Variants in GOLM2 observed in about 807,000 individuals in gnomAD.
The protein encoded by GOLM2 is golgi membrane protein 2, also known as protein GOLM2.
GOLM2 carries 26 observed loss-of-function variants against 55.9 expected under a neutral mutation model. The ratio of observed to expected loss-of-function variants is 0.47; its 90% CI spans 0.34 to 0.65. The LOEUF (loss-of-function observed/expected upper bound fraction) is 0.65. Among genes scored for constraint, GOLM2 ranks in the 30% least tolerant of loss-of-function variants. The pLI is 0.01. For missense variants in GOLM2, 486 were observed against 531.8 expected, an observed-to-expected ratio of 0.91 and a Z score of 0.85; for synonymous variants, 165 against 194.6, an observed-to-expected ratio of 0.85 and a Z score of 1.27.
intron 8 of GOLM2, among the ~76,000 whole-genome samples, chr15:44,383,140 A>G (rs2079416189): frequency 6.6e-6 from 1 of 151,244 alleles, no homozygotes. Flanking sequence ...TACAGAATAT[A>G]TGTATACATA....
chr15:44,289,296 C>T lies in GOLM2; in HGVS notation c.267C>T (p.Gly89=). The T allele has an allele frequency of 6.2e-7, 1 of 1,613,578 alleles. No homozygotes were observed. ...TCGACCAGAAGGAGGCCGACTACGG[C>T]CGCCTCAGCAGCCGGCTGCAGGCCA... The part of the protein sequence containing the change: ...KQIDQKEADY[G]RLSSRLQARE... The change falls in exon 1 of 10, where the codon GGC becomes GGT. Residue 89 remains glycine (G), a synonymous_variant. Coordinates refer to ENST00000299957, the MANE Select transcript of GOLM2 (RefSeq NM_138423.4). The surrounding 1 kb of genome is among the most constrained non-coding windows in gnomAD (Gnocchi z 4.8).
At chr15:44,378,633 G>A (rs1488926072) in intron 6 of GOLM2, among the ~76,000 whole-genome samples, 1 of 151,858 alleles carries the variant, frequency 6.6e-6, no homozygotes, top group Admixed American at 6.6e-5. Flanking sequence ...AAGAAAATTT[G>A]AGCAACTAAA....
chr15:44,299,562 A>G (rs1249413743), intron 1 of GOLM2, among the ~76,000 whole-genome samples: 1 of 152,002 alleles, frequency 6.6e-6, no homozygotes, highest in African/African-American at 2.4e-5. Flanking sequence ...CAAATTGACT[A>G]GATAACTACT....
chr15:44,318,764 TA>T (rs1248910336), intron 1 of GOLM2, among the ~76,000 whole-genome samples: 1 of 152,018 alleles, frequency 6.6e-6, no homozygotes, highest in East Asian at 1.9e-4. Context: ...AAAAGAACTT[TA>T]AAGATTGACC....
At chr15:44,375,958 C>T (rs762475637) in intron 6 of GOLM2, among the ~76,000 whole-genome samples, 3 of 151,844 alleles carry the variant, frequency 2.0e-5, no homozygotes, top group Admixed American at 1.3e-4. Context: ...TATGTTGGGC[C>T]GGATGTGGTG....
chr15:44,328,131 T>C (rs1056737686), intron 2 of GOLM2, among the ~76,000 whole-genome samples: 12 of 152,202 alleles, frequency 7.9e-5, no homozygotes, highest in Non-Finnish European at 1.5e-4. Flanking sequence ...CAATGTGTAA[T>C]TTAAAGAATA....
chr15:44,362,456 A>T (rs1323698835), intron 6 of GOLM2, among the ~76,000 whole-genome samples: 1 of 150,686 alleles, frequency 6.6e-6, no homozygotes, highest in East Asian at 1.9e-4. Flanking sequence ...CTTCAAAGAG[A>T]ATAAAATACC....
rs1190426101 is a variant in GOLM2 at position 44,288,803 on chromosome 15, G to A, written c.-227G>A. ...TTCCCTTGGGCAGGTGCAGGGTCGG[G>A]TTCAAAGCCTCCGGAACGCGTTTTG... On this transcript the variant is annotated 5_prime_UTR_variant, in exon 1 of 10. Coordinates refer to ENST00000299957, the MANE Select transcript of GOLM2 (RefSeq NM_138423.4). The A allele has an allele frequency of 2.3e-5, 13 of 567,448 alleles. No homozygotes were observed. The highest frequency in any genetic ancestry group is 4.0e-5 in the Non-Finnish European group (13 of 322,576). The allele number at this position is 567,448 out of a possible 1,614,324, so 35.2% of individuals were successfully genotyped here.
chr15:44,369,238 G>C (rs898893482), intron 6 of GOLM2, among the ~76,000 whole-genome samples: 1 of 141,136 alleles, frequency 7.1e-6, no homozygotes, highest in South Asian at 2.2e-4. Context: ...GTGTGTGTTT[G>C]TATGTGTGTA....
At chr15:44,299,248 A>G (rs1259771225) in intron 1 of GOLM2, among the ~76,000 whole-genome samples, 1 of 152,108 alleles carries the variant, frequency 6.6e-6, no homozygotes, top group Non-Finnish European at 1.5e-5. Context: ...ACAAATACAC[A>G]AATGCATACT....
intron 1 of GOLM2, among the ~76,000 whole-genome samples, chr15:44,298,607 T>A (rs1354895933): frequency 6.6e-6 from 1 of 152,108 alleles, no homozygotes; most frequent in Admixed American, 6.6e-5. Context: ...CCATTTACAT[T>A]TATTGTTTGA....
chr15:44,333,154 G>A (rs142393899), intron 4 of GOLM2, among the ~76,000 whole-genome samples: 1,932 of 152,210 alleles, frequency 0.013, 22 homozygotes, highest in Non-Finnish European at 0.021. Flanking sequence ...GGATGGTCTC[G>A]ATCTCTTGAC....
intron 1 of GOLM2, among the ~76,000 whole-genome samples, chr15:44,310,438 T>TTCTCTCTCTCTCTCTCTC (rs778563022): frequency 1.1e-3 from 147 of 136,420 alleles, no homozygotes; most frequent in East Asian, 5.2e-3. Context: ...GAGTCTCTCT[T>TTCTCTCTCTCTCTCTCTC]TCTCTCTCTC....
intron 6 of GOLM2, among the ~76,000 whole-genome samples, chr15:44,368,303 A>ATTTTTTTTTTTT (rs1245673474): frequency 8.6e-6 from 1 of 115,692 alleles, no homozygotes; most frequent in Non-Finnish European, 1.8e-5. Context: ...ACGCCCAGCT[A>ATTTTTTTTTTTT]TTTTTTTTTT....
At chr15:44,381,557 G>C in intron 8 of GOLM2, among the ~76,000 whole-genome samples, 1 of 152,090 alleles carries the variant, frequency 6.6e-6, no homozygotes, top group Admixed American at 6.6e-5. Flanking sequence ...GCTTTTCATG[G>C]CATCTTCTTA....
intron 8 of GOLM2, among the ~76,000 whole-genome samples, chr15:44,382,717 G>T (rs1040515435): frequency 6.6e-6 from 1 of 151,918 alleles, no homozygotes; most frequent in Non-Finnish European, 1.5e-5. Flanking sequence ...TTTGGGTAAA[G>T]AAGGTGGTTG....
At chr15:44,337,246 A>G (rs1031111963) in intron 4 of GOLM2, among the ~76,000 whole-genome samples, 1 of 151,390 alleles carries the variant, frequency 6.6e-6, no homozygotes, top group Non-Finnish European at 1.5e-5. Flanking sequence ...GGAAGCACTG[A>G]CCTGTTTATT....
At chr15:44,314,610 C>G (rs2078896556) in intron 1 of GOLM2, among the ~76,000 whole-genome samples, 1 of 150,548 alleles carries the variant, frequency 6.6e-6, no homozygotes, top group Non-Finnish European at 1.5e-5. Flanking sequence ...TATACTAAAA[C>G]TTGGTTTAAG....
intron 6 of GOLM2, among the ~76,000 whole-genome samples, chr15:44,361,506 A>T (rs1444443402): frequency 6.6e-6 from 1 of 152,160 alleles, no homozygotes; most frequent in Non-Finnish European, 1.5e-5. Context: ...GAAGAAGTTG[A>T]ATCTCTGAAT....
Sources: allele counts gnomAD v4.1 joint callset (sites outside exome capture counted in the v4.1 genomes callset), GRCh38; gene constraint gnomAD v4.1.1; non-coding constraint Gnocchi (gnomAD v3.1); transcripts MANE v1.5; gene names NCBI Gene and HGNC (gene_info 2026-07-23, HGNC 2026-07-21).